The following TULP4 variants were observed in gnomAD, a reference collection of about 807,000 sequenced individuals.
TULP4 encodes the protein TUB like protein 4, also known as tubby-related protein 4.
Under a neutral mutation model 129.0 loss-of-function variants are expected in TULP4, and 16 were observed. The observed-to-expected ratio is 0.12, with a 90% CI of 0.08 to 0.19. The LOEUF is 0.19. Among genes scored for constraint, TULP4 ranks in the 10% least tolerant of loss-of-function variants. The probability of loss-of-function intolerance (pLI) is 1.00; values close to 1 mark genes in which losing one functional copy is unlikely to be tolerated. For missense variants in TULP4, 1,842 were observed against 2,059.1 expected, an observed-to-expected ratio of 0.89 and a Z score of 2.04; for synonymous variants, 998 against 854.0, an observed-to-expected ratio of 1.17 and a Z score of -2.94.
chr6:158,437,668 G>A (rs556378166), intron 3 of TULP4: 6 of 152,310 alleles, frequency 3.9e-5, no homozygotes, highest in African/African-American at 1.2e-4. Context: ...GCAGGTAAAC[G>A]TTAAAACATT....
intron 12 of TULP4, 140 bp from the exon 13 acceptor site, chr6:158,501,538 C>T: frequency 1.2e-6 from 1 of 851,648 alleles, no homozygotes; most frequent in Non-Finnish European, 1.8e-6. Context: ...CAGCTTTCCC[C>T]AAGCAGACAC....
chr6:158,273,977 G>A (rs1778594913), intron 1 of TULP4, among the ~76,000 whole-genome samples: 1 of 151,918 alleles, frequency 6.6e-6, no homozygotes, highest in Non-Finnish European at 1.5e-5. Flanking sequence ...CCTGCCTCCC[G>A]GGCTGGGTGC....
chr6:158,353,330 AG>A (rs1780571327), intron 1 of TULP4, among the ~76,000 whole-genome samples: 1 of 146,220 alleles, frequency 6.8e-6, no homozygotes, highest in Non-Finnish European at 1.6e-5. Context: ...TATTCCCATT[AG>A]GGTTTTAAAA....
At chr6:158,264,589 G>T (rs192867452) in intron 1 of TULP4, among the ~76,000 whole-genome samples, 1 of 152,174 alleles carries the variant, frequency 6.6e-6, no homozygotes, top group Non-Finnish European at 1.5e-5. Flanking sequence ...GCACCTGGAG[G>T]GCTGCCTGGA....
chr6:158,310,731 A>G (rs1779332270), upstream of TULP4, among the ~76,000 whole-genome samples: 1 of 152,148 alleles, frequency 6.6e-6, no homozygotes, highest in Admixed American at 6.6e-5. Flanking sequence ...AAACCATGTC[A>G]CATGGTATTC....
intron 3 of TULP4, among the ~76,000 whole-genome samples, chr6:158,438,485 C>A (rs1778804052): frequency 6.6e-6 from 1 of 152,180 alleles, no homozygotes; most frequent in Non-Finnish European, 1.5e-5. Context: ...CCTTTGTCGG[C>A]ATAGTCAGAA....
chr6:158,239,986 C>T (rs1274653962), intron 1 of TULP4, among the ~76,000 whole-genome samples: 91 of 93,462 alleles, frequency 9.7e-4, no homozygotes, highest in Non-Finnish European at 1.7e-3. Flanking sequence ...GCTGGCTGGG[C>T]GGGGGGCTGA....
At chr6:158,357,314 G>A (rs1780672054) in intron 1 of TULP4, among the ~76,000 whole-genome samples, 1 of 152,200 alleles carries the variant, frequency 6.6e-6, no homozygotes, top group South Asian at 2.1e-4. Flanking sequence ...TTACCAGCAG[G>A]CCTGGGCAGA....
intron 3 of TULP4, among the ~76,000 whole-genome samples, chr6:158,442,998 T>C (rs1215916967): frequency 6.6e-6 from 1 of 151,758 alleles, no homozygotes; most frequent in African/African-American, 2.4e-5. Context: ...GTTTGTTTGT[T>C]TTTTGAGATG....
chr6:158,377,243 A>T (rs181398505), intron 1 of TULP4, among the ~76,000 whole-genome samples: 124 of 152,350 alleles, frequency 8.1e-4, no homozygotes, highest in African/African-American at 2.8e-3. Context: ...CTCTGTGGCT[A>T]AGTAACTTAC....
chr6:158,282,157 T>G (rs1252992440), upstream of TULP4: 1 of 152,222 alleles, frequency 6.6e-6, no homozygotes, highest in Non-Finnish European at 1.5e-5. Context: ...TCTAATAGAT[T>G]CTTTAAAACA....
intron 1 of TULP4, among the ~76,000 whole-genome samples, chr6:158,330,615 A>G (rs1042215338): frequency 6.6e-6 from 1 of 152,234 alleles, no homozygotes; most frequent in Non-Finnish European, 1.5e-5. Flanking sequence ...CATAACCACT[A>G]TAGTACAGTT....
chr6:158,359,167 C>T (rs1019442709), intron 1 of TULP4, among the ~76,000 whole-genome samples: 3 of 152,106 alleles, frequency 2.0e-5, no homozygotes, highest in Non-Finnish European at 2.9e-5. Context: ...CTTCCTCTTA[C>T]CTAGAAAAGA....
At chr6:158,343,143 C>T (rs936221527) in intron 1 of TULP4, among the ~76,000 whole-genome samples, 3 of 152,036 alleles carry the variant, frequency 2.0e-5, no homozygotes, top group East Asian at 1.9e-4. Context: ...CCTGTGTGAG[C>T]GCGCCTGGGC....
chr6:158,498,626 C>T (rs765575688), intron 11 of TULP4, 43 bp from the exon 12 acceptor site: 1 of 1,613,164 alleles, frequency 6.2e-7, no homozygotes, highest in Non-Finnish European at 8.5e-7. Context: ...TGGCTCTGCT[C>T]TGGTGTGTCT....
At chr6:158,494,932 G>A in intron 11 of TULP4, 86 bp downstream of exon 11, 1 of 1,120,796 alleles carries the variant, frequency 8.9e-7, no homozygotes, top group Admixed American at 2.2e-5. Flanking sequence ...TAAACTAGGA[G>A]ATGAACTTTT....
Position 158,503,550 on chromosome 6 carries a change from C to T in TULP4, c.3887C>T (p.Pro1296Leu). Residue 1296 changes from proline (P) to leucine (L), a missense_variant, in exon 13 of 14, where the codon CCT becomes CTT. By Grantham distance (98) the Pro-to-Leu change is moderately conservative. Coordinates refer to ENST00000367097, the MANE Select transcript of TULP4 (RefSeq NM_020245.5). This position sits in a 1 kb window ranked among gnomAD's most constrained non-coding sequence, Gnocchi z 4.3. ...VVEKPLVSPPPADLQSHLGTE... is the reference protein window; with the variant it reads ...VVEKPLVSPPLADLQSHLGTE... ...GAGAAGCCCCTTGTGTCCCCACCAC[C>T]TGCCGACCTCCAAAGCCACTTGGGC... 6.2e-7 allele frequency: 1 copy of T among 1,614,024 alleles called. No homozygotes were observed.
chr6:158,373,571 G>A (rs1473388443), intron 1 of TULP4, among the ~76,000 whole-genome samples: 2 of 152,100 alleles, frequency 1.3e-5, no homozygotes, highest in Middle Eastern at 3.2e-3. Context: ...TTATCTCCAC[G>A]TGGTAATACT....
chr6:158,325,047 G>A (rs1340178239), intron 1 of TULP4, among the ~76,000 whole-genome samples: 1 of 152,148 alleles, frequency 6.6e-6, no homozygotes, highest in African/African-American at 2.4e-5. Flanking sequence ...AATGTTTGTG[G>A]CATGAAAGAA....
Sources: gnomAD v4.1 joint callset for allele counts (sites outside exome capture counted in the v4.1 genomes callset) on GRCh38, gnomAD v4.1.1 for gene constraint, Gnocchi (gnomAD v3.1) non-coding constraint, MANE v1.5 for transcripts, NCBI Gene and HGNC (gene_info 2026-07-23, HGNC 2026-07-21) for gene names.